Variants in KHDRBS2 observed in about 807,000 individuals in gnomAD.
KHDRBS2 encodes KH RNA binding domain containing, signal transduction associated 2.
A neutral mutation model predicts 44.3 loss-of-function variants in KHDRBS2; 26 were observed. That is an observed-to-expected ratio of 0.59 (90% CI 0.43 to 0.81). The LOEUF (loss-of-function observed/expected upper bound fraction) is 0.81, where lower values mean the gene tolerates loss of function less well. Ranked by LOEUF, KHDRBS2 falls within the 40% of genes least tolerant of loss-of-function variation. The probability of loss-of-function intolerance (pLI) is 0.00; values close to 1 mark genes in which losing one functional copy is unlikely to be tolerated. For missense variants in KHDRBS2, 476 were observed against 433.1 expected, an observed-to-expected ratio of 1.10 and a Z score of -0.88; for synonymous variants, 194 against 151.1, an observed-to-expected ratio of 1.28 and a Z score of -2.08.
intron 2 of KHDRBS2, among the ~76,000 whole-genome samples, chr6:62,161,165 T>C (rs1490007200): frequency 6.6e-6 from 1 of 152,034 alleles, no homozygotes; most frequent in Non-Finnish European, 1.5e-5. Flanking sequence ...TTCGATCTAC[T>C]TGTGTCTTTG....
chr6:61,637,655 G>C, the KHDRBS2 span, among the ~76,000 whole-genome samples: 1 of 152,140 alleles, frequency 6.6e-6, no homozygotes, highest in African/African-American at 2.4e-5. Flanking sequence ...CACCAACAGT[G>C]TAAAAGTGTT....
chr6:61,759,206 T>C (rs1223215037), intron 6 of KHDRBS2, among the ~76,000 whole-genome samples: 1 of 152,152 alleles, frequency 6.6e-6, no homozygotes, highest in African/African-American at 2.4e-5. Flanking sequence ...CATCTGCTTG[T>C]ATATACAGGT....
At chr6:62,146,501 A>G (rs934154756) in intron 2 of KHDRBS2, among the ~76,000 whole-genome samples, 2 of 151,792 alleles carry the variant, frequency 1.3e-5, no homozygotes, top group African/African-American at 4.8e-5. Context: ...ATTCCCTTAC[A>G]TACTTGTCAA....
At chr6:62,070,412 A>C (rs1794743711) in intron 2 of KHDRBS2, among the ~76,000 whole-genome samples, 2 of 151,782 alleles carry the variant, frequency 1.3e-5, no homozygotes, top group Admixed American at 1.3e-4. Context: ...ATATATATAC[A>C]TGTGCCATGT....
chr6:62,079,556 T>A (rs959323834), intron 2 of KHDRBS2, among the ~76,000 whole-genome samples: 1 of 152,092 alleles, frequency 6.6e-6, no homozygotes, highest in African/African-American at 2.4e-5. Flanking sequence ...TGGCACTGGA[T>A]TCAGTTGTTG....
chr6:62,089,112 G>T (rs938564987), intron 2 of KHDRBS2, among the ~76,000 whole-genome samples: 2 of 152,054 alleles, frequency 1.3e-5, no homozygotes, highest in East Asian at 3.9e-4. Flanking sequence ...AGACTGCTGT[G>T]CTGGCAGCAA....
chr6:62,138,390 A>C (rs1350444128), intron 2 of KHDRBS2, among the ~76,000 whole-genome samples: 1 of 152,198 alleles, frequency 6.6e-6, no homozygotes, highest in Non-Finnish European at 1.5e-5. Flanking sequence ...TGGTGTTTTA[A>C]AGGATCCATA....
At chr6:62,039,056 A>C (rs1000125842) in intron 3 of KHDRBS2, among the ~76,000 whole-genome samples, 1 of 152,074 alleles carries the variant, frequency 6.6e-6, no homozygotes, top group African/African-American at 2.4e-5. Context: ...CTGAATTTGT[A>C]GGCAAAGCAA....
chr6:62,241,313 A>C (rs1834630213), intron 1 of KHDRBS2, among the ~76,000 whole-genome samples: 1 of 152,218 alleles, frequency 6.6e-6, no homozygotes, highest in Non-Finnish European at 1.5e-5. Flanking sequence ...AACTTTAAAA[A>C]CACCAATAAC....
intron 3 of KHDRBS2, among the ~76,000 whole-genome samples, chr6:62,043,432 C>T (rs1786984244): frequency 6.6e-6 from 1 of 152,014 alleles, no homozygotes; most frequent in Non-Finnish European, 1.5e-5. Flanking sequence ...TTCATACATG[C>T]TGTATATTTT....
At chr6:61,627,459 T>C in the KHDRBS2 span, among the ~76,000 whole-genome samples, 1 of 152,034 alleles carries the variant, frequency 6.6e-6, no homozygotes, top group Non-Finnish European at 1.5e-5. Context: ...TGAGTACAGA[T>C]TGGGGCTGGC....
In KHDRBS2 at chr6:61,948,305, T is replaced by C. The variant is rs73482836; in HGVS notation, c.483+29761A>G. 9.9e-3 allele frequency among the ~76,000 whole-genome samples: 1,506 copies of C among 152,262 alleles called. 26 individuals are homozygous for C. Among genetic ancestry groups the C allele is most frequent in the African/African-American group, 0.035 (1,447 of 41,572 alleles). On this transcript the variant is annotated intron_variant, in intron 4 of 8. Transcript: ENST00000281156. ...GCTTTAATATTTGTTCATTATTTTA[T>C]CTGTGTGATTTATGTAATTGCATTT...
chr6:61,866,459 C>G (rs1185715333), intron 6 of KHDRBS2, among the ~76,000 whole-genome samples: 1 of 152,212 alleles, frequency 6.6e-6, no homozygotes, highest in Non-Finnish European at 1.5e-5. Context: ...CATGGGGACA[C>G]TGGCCCTCTG....
chr6:61,976,984 G>A (rs1248468431), intron 4 of KHDRBS2, among the ~76,000 whole-genome samples: 10 of 151,934 alleles, frequency 6.6e-5, no homozygotes, highest in Non-Finnish European at 1.5e-4. Context: ...TAATCAGAAC[G>A]GTCTGCAATT....
At chr6:62,077,059 A>G (rs904472921) in intron 2 of KHDRBS2, among the ~76,000 whole-genome samples, 1 of 152,024 alleles carries the variant, frequency 6.6e-6, no homozygotes, top group African/African-American at 2.4e-5. Flanking sequence ...AAAAATATAA[A>G]AAAATGAATA....
At chr6:61,614,163 T>C in the KHDRBS2 span, among the ~76,000 whole-genome samples, 1 of 152,180 alleles carries the variant, frequency 6.6e-6, no homozygotes, top group South Asian at 2.1e-4. Flanking sequence ...TATTAAGTAA[T>C]AAAGTCAGGA....
chr6:62,021,999 C>A (rs1782428516), intron 3 of KHDRBS2, among the ~76,000 whole-genome samples: 1 of 148,972 alleles, frequency 6.7e-6, no homozygotes, highest in African/African-American at 2.5e-5. Context: ...TATATATACA[C>A]ACACTATATA....
At chr6:61,555,317 G>A in the KHDRBS2 span, among the ~76,000 whole-genome samples, 20 of 152,112 alleles carry the variant, frequency 1.3e-4, no homozygotes, top group East Asian at 5.8e-4. Context: ...ACTTGCAACC[G>A]TATTCTGAAA....
chr6:61,673,230 T>C, the KHDRBS2 span, among the ~76,000 whole-genome samples: 1 of 152,260 alleles, frequency 6.6e-6, no homozygotes, highest in East Asian at 1.9e-4. Context: ...ACCAGTACCA[T>C]GCTGTTTTGG....
Sources: gnomAD v4.1 joint callset for allele counts (sites outside exome capture counted in the v4.1 genomes callset) on GRCh38, gnomAD v4.1.1 for gene constraint, MANE v1.5 for transcripts, NCBI Gene and HGNC (gene_info 2026-07-23, HGNC 2026-07-21) for gene names.